Variants in GALNT17 observed in about 807,000 individuals in gnomAD.
GALNT17 encodes UDP-GalNAc:polypeptide N-acetylgalactosaminyltransferase-like 3.
Under a neutral mutation model 63.7 loss-of-function variants are expected in GALNT17, and 29 were observed. The observed-to-expected ratio is 0.46, with a 90% CI of 0.34 to 0.62. The LOEUF is 0.62. Ranked by LOEUF, GALNT17 falls within the 20% of genes least tolerant of loss-of-function variation. The pLI is 0.01. For missense variants in GALNT17, 603 were observed against 799.6 expected (o/e 0.75, Z 2.97); for synonymous variants, 305 against 318.3 (o/e 0.96, Z 0.45).
intron 2 of GALNT17, among the ~76,000 whole-genome samples, chr7:71,357,157 A>G (rs1792301771): frequency 6.6e-6 from 1 of 151,930 alleles, no homozygotes; most frequent in African/African-American, 2.4e-5. Context: ...GTTTTCTCTT[A>G]TTTAGGGACC....
intron 1 of GALNT17, among the ~76,000 whole-genome samples, chr7:71,292,505 T>C (rs1314993931): frequency 6.6e-6 from 1 of 152,214 alleles, no homozygotes; most frequent in African/African-American, 2.4e-5. Flanking sequence ...AACAGTTTTA[T>C]TGAGCTATCA....
chr7:71,490,648 A>T (rs1434592677), intron 5 of GALNT17, among the ~76,000 whole-genome samples: 1 of 150,516 alleles, frequency 6.6e-6, no homozygotes, highest in East Asian at 2.0e-4. Context: ...GCCTATACTC[A>T]CAGTACTTCG....
At chr7:71,355,689 TGCCCA>T (rs762776488) in intron 2 of GALNT17, among the ~76,000 whole-genome samples, 70 of 151,876 alleles carry the variant, frequency 4.6e-4, no homozygotes, top group Middle Eastern at 3.4e-3. Context: ...TCTAACACTA[TGCCCA>T]GCTAATTTTT....
At chr7:71,498,644 G>T (rs1485192853) in intron 5 of GALNT17, among the ~76,000 whole-genome samples, 2 of 152,128 alleles carry the variant, frequency 1.3e-5, no homozygotes, top group African/African-American at 4.8e-5. Flanking sequence ...GTACAAGGAG[G>T]AGATGAACAT....
chr7:71,585,974 G>A (rs1789711845), intron 6 of GALNT17, among the ~76,000 whole-genome samples: 1 of 143,680 alleles, frequency 7.0e-6, no homozygotes, highest in Admixed American at 7.2e-5. Context: ...GCAGTGGCAC[G>A]ATCTTGGCTC....
intron 6 of GALNT17, among the ~76,000 whole-genome samples, chr7:71,636,328 C>T (rs973032494): frequency 6.6e-6 from 1 of 152,070 alleles, no homozygotes; most frequent in Non-Finnish European, 1.5e-5. Flanking sequence ...CACTGCAGTT[C>T]TCTGGGGAAG....
chr7:71,211,910 G>A (rs1222767672), intron 1 of GALNT17, among the ~76,000 whole-genome samples: 1 of 152,140 alleles, frequency 6.6e-6, no homozygotes, highest in Non-Finnish European at 1.5e-5. Context: ...AGTTTTATAA[G>A]GGAAACAGAG....
chr7:71,467,291 G>A (rs778216902), intron 5 of GALNT17, among the ~76,000 whole-genome samples: 17 of 152,140 alleles, frequency 1.1e-4, no homozygotes, highest in Non-Finnish European at 2.4e-4. Context: ...GTGAGGCCAG[G>A]CCACATGTCT....
At chr7:71,236,314 A>G (rs564831941) in intron 1 of GALNT17, among the ~76,000 whole-genome samples, 14 of 152,248 alleles carry the variant, frequency 9.2e-5, no homozygotes, top group Admixed American at 3.3e-4. Context: ...TTAATTTTCA[A>G]TGGTGTAAAA....
At chr7:71,229,151 T>G (rs1789738644) in intron 1 of GALNT17, among the ~76,000 whole-genome samples, 1 of 152,204 alleles carries the variant, frequency 6.6e-6, no homozygotes, top group Non-Finnish European at 1.5e-5. Flanking sequence ...GCGTGATTCT[T>G]GGAGGAGATA....
At chr7:71,294,103 A>C (rs1267865848) in intron 1 of GALNT17, among the ~76,000 whole-genome samples, 1 of 151,310 alleles carries the variant, frequency 6.6e-6, no homozygotes, top group Non-Finnish European at 1.5e-5. Flanking sequence ...TGGAGCTTGC[A>C]GTGAGCCGAG....
At position 71,337,706 on chromosome 7, in the gene GALNT17, A is replaced by G. The variant is rs571028894; in HGVS notation, c.422+1973A>G. Among the ~76,000 whole-genome samples, 47 of 152,040 alleles carry G rather than the reference A, an allele frequency of 3.1e-4. No homozygotes were observed. The South Asian group carries it at 9.2e-3, about 30-fold the overall frequency. On this transcript the variant is annotated intron_variant, in intron 2 of 10. Transcript: ENST00000333538. Reference sequence around the variant, plus strand: ...AAGATAGCAAAACCCCGTCTCTACTAAAAATACAAAAATTGGCTGGGCGCG... The same window carrying G: ...AAGATAGCAAAACCCCGTCTCTACTGAAAATACAAAAATTGGCTGGGCGCG...
At chr7:71,603,683 C>G (rs1562707238) in intron 6 of GALNT17, among the ~76,000 whole-genome samples, 1 of 148,180 alleles carries the variant, frequency 6.7e-6, no homozygotes, top group East Asian at 2.1e-4. Flanking sequence ...CATACACTAA[C>G]TACTATGCTA....
chr7:71,679,265 G>C (rs1434879220), intron 9 of GALNT17, among the ~76,000 whole-genome samples: 1 of 152,018 alleles, frequency 6.6e-6, no homozygotes, highest in African/African-American at 2.4e-5. Context: ...TACATAAAAT[G>C]AGTTGGGCGT....
intron 1 of GALNT17, among the ~76,000 whole-genome samples, chr7:71,261,643 G>T (rs181078353): frequency 7.9e-5 from 12 of 152,268 alleles, no homozygotes; most frequent in African/African-American, 1.7e-4. Flanking sequence ...GGCTTCGTGT[G>T]CCTTGAATCC....
chr7:71,412,679 GC>G (rs906310660), intron 3 of GALNT17, among the ~76,000 whole-genome samples: 7 of 152,068 alleles, frequency 4.6e-5, no homozygotes, highest in African/African-American at 1.7e-4. Context: ...ATGTCCTCTG[GC>G]CCCCTCAACC....
chr7:71,448,327 G>A (rs1331324362), intron 5 of GALNT17, among the ~76,000 whole-genome samples: 2 of 151,892 alleles, frequency 1.3e-5, no homozygotes, highest in African/African-American at 4.8e-5. Flanking sequence ...TGAAATGTGT[G>A]TGCATTGTTG....
intron 1 of GALNT17, among the ~76,000 whole-genome samples, chr7:71,216,028 A>T (rs566942947): frequency 1.3e-5 from 2 of 150,534 alleles, no homozygotes; most frequent in East Asian, 3.9e-4. Flanking sequence ...AGGCAATATC[A>T]TGAGACCTTG....
intron 3 of GALNT17, among the ~76,000 whole-genome samples, chr7:71,394,509 C>T (rs969040056): frequency 2.6e-5 from 4 of 152,176 alleles, no homozygotes; most frequent in African/African-American, 9.6e-5. Flanking sequence ...TGTGTTCTGA[C>T]AGTTTCCCAT....
Sources: allele counts gnomAD v4.1 joint callset (sites outside exome capture counted in the v4.1 genomes callset), GRCh38; gene constraint gnomAD v4.1.1; transcripts MANE v1.5; gene names NCBI Gene and HGNC (gene_info 2026-07-23, HGNC 2026-07-21).